COL6A5: variants seen among roughly 807,000 people sequenced by gnomAD.
COL6A5 encodes collagen alpha-5(VI) chain.
In COL6A5, 48 loss-of-function variants were observed where a neutral mutation model predicts 65.6. The observed-to-expected ratio is 0.73, with a 90% CI of 0.58 to 0.93. COL6A5 has a LOEUF of 0.93. Among genes scored for constraint, COL6A5 ranks in the 40% least tolerant of loss-of-function variants. The pLI, the probability that COL6A5 is intolerant of heterozygous loss-of-function variation, is 0.00. For synonymous variants in COL6A5, 291 were observed against 322.8 expected (o/e 0.90, Z 1.05); for missense variants, 914 against 928.3 (o/e 0.98, Z 0.20).
chr3:130,388,643 A>G (rs1559872922), exon 6 of COL6A5: 2 of 1,551,208 alleles, frequency 1.3e-6, no homozygotes, highest in Non-Finnish European at 1.7e-6. Context: ...ATAGGAAATG[A>G]AAATTTTAGG....
chr3:130,348,271 C>T (rs1442795653), intron 1 of COL6A5, among the ~76,000 whole-genome samples: 2 of 152,304 alleles, frequency 1.3e-5, no homozygotes, highest in East Asian at 3.9e-4. Flanking sequence ...TCTCCCTTCC[C>T]TTTCCCCCAA....
chr3:130,428,217 C>T (rs976161696), upstream of COL6A5, among the ~76,000 whole-genome samples: 3 of 152,118 alleles, frequency 2.0e-5, no homozygotes, highest in Non-Finnish European at 4.4e-5. Flanking sequence ...TTGGATAACA[C>T]GGAACTCCAG....
chr3:130,454,304 A>G (rs889229398), intron 4 of COL6A5, among the ~76,000 whole-genome samples: 4 of 152,168 alleles, frequency 2.6e-5, no homozygotes, highest in African/African-American at 9.6e-5. Flanking sequence ...GAACGTCTAC[A>G]TGCAGCTTGC....
intron 12 of COL6A5, 32 bp from the exon 13 acceptor site, chr3:130,403,577 A>C: frequency 6.5e-7 from 1 of 1,534,490 alleles, no homozygotes; most frequent in Non-Finnish European, 8.8e-7. Flanking sequence ...GGGGGGGGTG[A>C]CTAAAATGTA....
exon 6 of COL6A5, chr3:130,388,737 T>G: frequency 1.9e-6 from 3 of 1,551,384 alleles, no homozygotes; most frequent in Non-Finnish European, 1.7e-6. Context: ...TTCAGTTCAG[T>G]GATAAAACTA....
exon 1 of COL6A5, chr3:130,431,495 T>G: frequency 1.9e-6 from 3 of 1,551,408 alleles, no homozygotes; most frequent in Non-Finnish European, 2.6e-6. Flanking sequence ...ACAGAGCTAG[T>G]ATTTGCTCTG....
intron 7 of COL6A5, among the ~76,000 whole-genome samples, chr3:130,476,642 G>C (rs1710108059): frequency 6.6e-6 from 1 of 151,972 alleles, no homozygotes; most frequent in Non-Finnish European, 1.5e-5. Context: ...ATTCAAGTTT[G>C]CAAAACACTG....
intron 20 of COL6A5, among the ~76,000 whole-genome samples, chr3:130,411,627 G>C (rs1254461332): frequency 1.3e-5 from 2 of 152,284 alleles, no homozygotes; most frequent in Admixed American, 1.3e-4. Context: ...AAGCAGTAGA[G>C]CAGCAAGATG....
intron 17 of COL6A5, among the ~76,000 whole-genome samples, chr3:130,406,990 T>C (rs1577477377): frequency 6.6e-6 from 1 of 152,110 alleles, no homozygotes; most frequent in East Asian, 1.9e-4. Context: ...GACAGACATA[T>C]CAATAGAATT....
chr3:130,358,981 G>A (rs1001389945), intron 1 of COL6A5, among the ~76,000 whole-genome samples: 5 of 152,172 alleles, frequency 3.3e-5, no homozygotes, highest in Non-Finnish European at 5.9e-5. Flanking sequence ...CTATGCAGCT[G>A]TTAAGATGAA....
intron 4 of COL6A5, 26 bp downstream of exon 36, chr3:130,443,592 C>A (rs371108657): frequency 2.1e-6 from 3 of 1,445,796 alleles, no homozygotes; most frequent in Non-Finnish European, 2.9e-6. Context: ...CTTATATTTA[C>A]AAGTGACTGC....
rs1185807458 is a variant in COL6A5 at position 130,437,363 on chromosome 3, A to G, written c.488-2159A>G. 2.0e-5 allele frequency among the ~76,000 whole-genome samples: 3 copies of G among 152,208 alleles called. No homozygotes were observed. The East Asian group carries it at 5.8e-4, about 29-fold the overall frequency. ...TATATATCCAGAATTTGACCACTTC[A>G]TAGTGTCTCTATCTTTGACATCTTG... is the stretch of plus-strand genomic sequence containing the variant. On this transcript the variant is annotated intron_variant, in intron 1 of 7. Coordinates refer to ENST00000512836, the Ensembl canonical transcript of COL6A5.
chr3:130,395,020 A>T, exon 8 of COL6A5: 1 of 1,551,650 alleles, frequency 6.4e-7, no homozygotes, highest in Non-Finnish European at 8.7e-7. Context: ...AGTCTCAAAG[A>T]ATGAAAATTG....
chr3:130,414,091 C>T, exon 22 of COL6A5: 1 of 1,550,820 alleles, frequency 6.4e-7, no homozygotes, highest in Non-Finnish European at 8.7e-7. Flanking sequence ...AATCCTGGAC[C>T]TACAGGCACA....
rs978615969 is a variant in COL6A5, at chr3:130,471,606, A to G, written c.2328+639A>G. 4.6e-6 allele frequency: 6 copies of G among 1,310,864 alleles called. No individual in the cohort carries two copies. The African/African-American group carries it at 8.8e-5, about 19-fold the overall frequency. The allele number at this position is 1,310,864 out of a possible 1,614,324, so 81.2% of individuals were successfully genotyped here. A position where few individuals can be genotyped will look rare whatever the true frequency, so the allele number is the denominator to read the frequency against. On this transcript the variant is annotated intron_variant, in intron 7 of 7. Transcript: ENST00000512836. ...ACATAAAATGGATTCCTCTTATATTATCTGGTGGTATTCACATTTAATCTT... is the reference window on the plus strand; with the variant it reads ...ACATAAAATGGATTCCTCTTATATTGTCTGGTGGTATTCACATTTAATCTT...
At chr3:130,476,953 C>T (rs748011183) in intron 7 of COL6A5, 1 of 778,668 alleles carries the variant, frequency 1.3e-6, no homozygotes, top group Non-Finnish European at 2.2e-6. Flanking sequence ...TGAGTCTCTT[C>T]AGAAAATATC....
At chr3:130,449,408 T>C (rs958106714) in intron 4 of COL6A5, among the ~76,000 whole-genome samples, 1 of 152,084 alleles carries the variant, frequency 6.6e-6, no homozygotes, top group Non-Finnish European at 1.5e-5. Flanking sequence ...TGCCAGTAAA[T>C]CTCTACCCCA....
intron 10 of COL6A5, among the ~76,000 whole-genome samples, chr3:130,400,188 C>T (rs1397152110): frequency 6.6e-6 from 1 of 152,154 alleles, no homozygotes; most frequent in Non-Finnish European, 1.5e-5. Flanking sequence ...TACATTTATC[C>T]TTTAGAATCA....
At chr3:130,483,436 G>A (rs1710299267) in intron 7 of COL6A5, among the ~76,000 whole-genome samples, 1 of 152,136 alleles carries the variant, frequency 6.6e-6, no homozygotes, top group Non-Finnish European at 1.5e-5. Flanking sequence ...CTGGGAAATT[G>A]GATAAAGAGA....
Sources: gnomAD v4.1 joint callset for allele counts (sites outside exome capture counted in the v4.1 genomes callset) on GRCh38, gnomAD v4.1.1 for gene constraint, MANE v1.5 for transcripts, NCBI Gene and HGNC (gene_info 2026-07-23, HGNC 2026-07-21) for gene names.